The following TBC1D8 variants were observed in gnomAD, a reference collection of about 807,000 sequenced individuals.
The protein encoded by TBC1D8 is TBC1 domain family member 8.
In TBC1D8, 65 loss-of-function variants were observed where a neutral mutation model predicts 118.8. That is an observed-to-expected ratio of 0.55 (90% CI 0.45 to 0.67). The LOEUF (loss-of-function observed/expected upper bound fraction) is 0.67. TBC1D8 is among the 30% of genes least tolerant of loss of function. The pLI, the probability that TBC1D8 is intolerant of heterozygous loss-of-function variation, is 0.00. For missense variants in TBC1D8, 1,376 were observed against 1,471.2 expected (o/e 0.94, Z 1.06); for synonymous variants, 566 against 595.8 (o/e 0.95, Z 0.73).
chr2:101,023,098 T>TCA (rs1680139379), intron 15 of TBC1D8, among the ~76,000 whole-genome samples: 2 of 142,726 alleles, frequency 1.4e-5, no homozygotes, highest in African/African-American at 5.1e-5. Flanking sequence ...TGAGCCGAGA[T>TCA]CGCGCCACTG....
At chr2:101,118,763 G>A (rs546229526) in intron 1 of TBC1D8, among the ~76,000 whole-genome samples, 2 of 151,602 alleles carry the variant, frequency 1.3e-5, no homozygotes, top group Middle Eastern at 3.5e-3. Flanking sequence ...CCAGCACTCT[G>A]GGAGGCCAAG....
chr2:101,012,536 T>G (rs1302), intron 17 of TBC1D8, among the ~76,000 whole-genome samples: 128,138 of 151,958 alleles, frequency 0.84, 54,402 homozygotes, highest in African/African-American at 0.95. Context: ...GATACACTGG[T>G]AGTGAGAGCT....
chr2:101,088,244 CT>C (rs1675766801), intron 2 of TBC1D8, among the ~76,000 whole-genome samples: 1 of 152,038 alleles, frequency 6.6e-6, no homozygotes. Context: ...TAGATACCTT[CT>C]TTGTATTTTT....
chr2:101,139,238 G>A (rs1678993505), intron 1 of TBC1D8, among the ~76,000 whole-genome samples: 1 of 147,646 alleles, frequency 6.8e-6, no homozygotes. Flanking sequence ...CAGCAGCTTG[G>A]CCCCAAATCT....
intron 17 of TBC1D8, chr2:101,019,498 G>C (rs1679894352): frequency 6.5e-6 from 1 of 153,056 alleles, no homozygotes; most frequent in South Asian, 2.1e-4. Flanking sequence ...CTGCACTCTA[G>C]CTTTTTTGTC....
intron 1 of TBC1D8, among the ~76,000 whole-genome samples, 160 bp from the exon 2 acceptor site, chr2:101,090,524 G>C (rs1675968832): frequency 6.6e-6 from 1 of 152,218 alleles, no homozygotes; most frequent in East Asian, 1.9e-4. Context: ...GAGCTCCATG[G>C]AGCCAAGGGC....
Position 101,007,869 on chromosome 2 carries a change from A to G in TBC1D8, c.3420T>C (p.Phe1140=), listed in dbSNP as rs1004406911. 6.2e-7 allele frequency: 1 copy of G among 1,612,246 alleles called. No individual in the cohort carries two copies. Among genetic ancestry groups the G allele is most frequent in the Non-Finnish European group, 8.5e-7 (1 of 1,179,890 alleles). ...AKINQYNLKT[F]EMSHQSQSEL... is the part of the protein sequence containing the mutation. ...CAGATTGTGATTGGTGGCTCATTTC[A>G]AAAGTTTTGAGATTGTACTGATTGA... The change falls in exon 20 of 20, where the codon TTT becomes TTC. Residue 1140 remains phenylalanine, a synonymous_variant. Transcript: ENST00000409318.
In TBC1D8 at chr2:101,027,465, T is replaced by C. The variant is rs1461895998; in HGVS notation, c.2452-14A>G. ...AACGACTCGAAGCTTGAGGAAAGAA[T>C]AAACAGCAATGGCGTGAAATCTAGG... On this transcript the variant is annotated splice_polypyrimidine_tract_variant and intron_variant, in intron 14 of 19. Transcript: ENST00000409318. 2.5e-6 allele frequency: 4 copies of C among 1,612,036 alleles called. No individual in the cohort carries two copies. In the South Asian group the frequency reaches 3.3e-5, roughly 13 times the overall value.
At chr2:101,008,415 C>T in intron 19 of TBC1D8, 142 bp from the exon 20 acceptor site, 1 of 690,972 alleles carries the variant, frequency 1.4e-6, no homozygotes, top group Non-Finnish European at 2.3e-6. Flanking sequence ...CTCTGCCTTT[C>T]CACTCTAAAC....
intron 12 of TBC1D8, 72 bp from the exon 13 acceptor site, chr2:101,028,504 T>TGTCA (rs1680484685): frequency 6.7e-7 from 1 of 1,496,846 alleles, no homozygotes; most frequent in East Asian, 2.3e-5. Context: ...GCCTTCACAG[T>TGTCA]GTCAGACATG....
Position 101,063,087 on chromosome 2 carries a change from G to C in TBC1D8, c.284-3548C>G, listed in dbSNP as rs906558974. Among the ~76,000 whole-genome samples the C allele has an allele frequency of 1.3e-3, 201 of 152,292 alleles. 4 individuals carry two copies. The highest frequency in any genetic ancestry group is 0.013 in the Admixed American group (199 of 15,292). ...TCCTCCCAAATGCATCCTTTCGGAC[G>C]ACCTGATACAGGTTTTCATTTATCC... On this transcript the variant is annotated intron_variant, in intron 2 of 19. Transcript: ENST00000409318.
intron 1 of TBC1D8, among the ~76,000 whole-genome samples, chr2:101,143,085 CAG>C (rs1345826367): frequency 2.2e-5 from 3 of 134,000 alleles, no homozygotes; most frequent in Non-Finnish European, 4.6e-5. Flanking sequence ...TTTCTTGAGA[CAG>C]AGTCTCACCC....
intron 1 of TBC1D8, among the ~76,000 whole-genome samples, chr2:101,138,140 G>A (rs577032627): frequency 2.0e-5 from 3 of 152,176 alleles, no homozygotes; most frequent in South Asian, 4.1e-4. Flanking sequence ...TCTCTATCAC[G>A]AGAACAGCAC....
At chr2:101,104,311 G>T (rs1354490264) in intron 1 of TBC1D8, among the ~76,000 whole-genome samples, 1 of 152,112 alleles carries the variant, frequency 6.6e-6, no homozygotes, top group African/African-American at 2.4e-5. Flanking sequence ...CAGATTCAAC[G>T]CAATCCCAAT....
intron 2 of TBC1D8, among the ~76,000 whole-genome samples, chr2:101,080,588 G>T (rs1237742320): frequency 6.6e-6 from 1 of 152,140 alleles, no homozygotes; most frequent in African/African-American, 2.4e-5. Flanking sequence ...TTCTGTCAGG[G>T]ATAGCACCTG....
chr2:101,136,756 T>G (rs1387139160), intron 1 of TBC1D8, among the ~76,000 whole-genome samples: 1 of 152,240 alleles, frequency 6.6e-6, no homozygotes, highest in Non-Finnish European at 1.5e-5. Flanking sequence ...GAATCCTTGA[T>G]GATGAATGAT....
At chr2:101,048,871 T>C (rs1468240462) in intron 5 of TBC1D8, among the ~76,000 whole-genome samples, 2 of 152,260 alleles carry the variant, frequency 1.3e-5, no homozygotes, top group Non-Finnish European at 1.5e-5. Context: ...AGTATTTGTC[T>C]TTTCACAACT....
intron 1 of TBC1D8, among the ~76,000 whole-genome samples, chr2:101,098,183 A>G (rs1302516370): frequency 6.6e-6 from 1 of 152,194 alleles, no homozygotes; most frequent in African/African-American, 2.4e-5. Context: ...ACCTGAGGTC[A>G]GGAGTTCAAG....
At chr2:101,093,714 CAG>C (rs985357409) in intron 1 of TBC1D8, among the ~76,000 whole-genome samples, 45 of 151,328 alleles carry the variant, frequency 3.0e-4, no homozygotes, top group African/African-American at 1.1e-3. Flanking sequence ...GACTCCATCT[CAG>C]GGAAAAAAAA....
Sources: gnomAD v4.1 joint callset for allele counts (sites outside exome capture counted in the v4.1 genomes callset) on GRCh38, gnomAD v4.1.1 for gene constraint, MANE v1.5 for transcripts, NCBI Gene and HGNC (gene_info 2026-07-23, HGNC 2026-07-21) for gene names.